Variants in DYNC2I1 observed in about 807,000 individuals in gnomAD.
The protein encoded by DYNC2I1 is cytoplasmic dynein 2 intermediate chain 1.
Under a neutral mutation model 133.4 loss-of-function variants are expected in DYNC2I1, and 89 were observed. The observed-to-expected ratio is 0.67, with a 90% CI of 0.56 to 0.80. DYNC2I1 has a LOEUF of 0.80. Ranked by LOEUF, DYNC2I1 falls within the 30% of genes least tolerant of loss-of-function variation. The probability of loss-of-function intolerance (pLI) is 0.00; values close to 1 mark genes in which losing one functional copy is unlikely to be tolerated. For missense variants in DYNC2I1, 1,291 were observed against 1,314.5 expected (o/e 0.98, Z 0.28); for synonymous variants, 504 against 484.3 (o/e 1.04, Z -0.54).
chr7:158,933,790 A>G (rs768514913), intron 21 of DYNC2I1, among the ~76,000 whole-genome samples: 9 of 152,210 alleles, frequency 5.9e-5, no homozygotes, highest in Non-Finnish European at 1.3e-4. Context: ...TTGGTGCAAA[A>G]AGTAGGAGTC....
intron 23 of DYNC2I1, among the ~76,000 whole-genome samples, chr7:158,935,981 T>C (rs1255445941): frequency 6.6e-6 from 1 of 152,034 alleles, no homozygotes; most frequent in Non-Finnish European, 1.5e-5. Context: ...TCACCTGAGG[T>C]AGGGGTTCAA....
chr7:158,910,281 A>G (rs1331885205), intron 11 of DYNC2I1, among the ~76,000 whole-genome samples: 1 of 152,134 alleles, frequency 6.6e-6, no homozygotes, highest in Non-Finnish European at 1.5e-5. Context: ...GCAGAGGGCC[A>G]TCGGCCGTGT....
At chr7:158,867,477 C>T (rs1459110057) in intron 1 of DYNC2I1, among the ~76,000 whole-genome samples, 2 of 152,188 alleles carry the variant, frequency 1.3e-5, no homozygotes, top group Non-Finnish European at 2.9e-5. Context: ...GGGAGACCAG[C>T]GCGGATCTTG....
At chr7:158,925,904 T>C (rs1029444721) in intron 17 of DYNC2I1, among the ~76,000 whole-genome samples, 1 of 152,198 alleles carries the variant, frequency 6.6e-6, no homozygotes, top group Non-Finnish European at 1.5e-5. Flanking sequence ...CTGTGTGGCA[T>C]GCTCTGTTTG....
Position 158,879,983 on chromosome 7 carries a change from ATCC to A in DYNC2I1, c.874_876del (p.Ser292del). 1 of 1,593,128 alleles carries A rather than the reference ATCC, an allele frequency of 6.3e-7. No homozygotes were observed. Among genetic ancestry groups the A allele is most frequent in the South Asian group, 1.1e-5 (1 of 87,830 alleles). ...CAAAAGATGAGCCCAGGAAAAGGGA[ATCC>A]CAGGTACCCCTTCTGATGCTTCGTT... is the stretch of plus-strand genomic sequence containing the variant. On this transcript the variant is annotated inframe_deletion, in exon 5 of 25. Transcript: ENST00000407559.
intron 3 of DYNC2I1, among the ~76,000 whole-genome samples, chr7:158,873,861 A>G (rs538542685): frequency 1.1e-3 from 171 of 151,726 alleles, no homozygotes; most frequent in African/African-American, 3.7e-3. Flanking sequence ...GGTTCAAGTG[A>G]TTCCCGTGCC....
intron 10 of DYNC2I1, chr7:158,905,142 T>TTTTTTTTTTC (rs1846649514): frequency 8.8e-6 from 2 of 226,488 alleles, no homozygotes; most frequent in African/African-American, 2.7e-5. Flanking sequence ...TTCTTTTTCT[T>TTTTTTTTTTC]TTTTTTTTTT....
In DYNC2I1 at chr7:158,934,405, T is replaced by G; in HGVS notation, c.2647-13T>G. ...TGCACTCGTTCAGTCACTCTTGGGC[T>G]TCTTCTTCACAGGGTCTCATAAGCC... On this transcript the variant is annotated splice_polypyrimidine_tract_variant and intron_variant, in intron 22 of 24. Coordinates refer to ENST00000407559, the MANE Select transcript of DYNC2I1 (RefSeq NM_018051.5). 1.9e-6 allele frequency: 3 copies of G among 1,605,000 alleles called. No individual in the cohort carries two copies. Among genetic ancestry groups the G allele is most frequent in the South Asian group, 1.1e-5 (1 of 88,624 alleles).
intron 14 of DYNC2I1, among the ~76,000 whole-genome samples, chr7:158,915,324 C>G (rs372161197): frequency 2.5e-3 from 140 of 56,602 alleles, no homozygotes; most frequent in East Asian, 0.02. Context: ...CGCTGGTTGA[C>G]ATTAAGGATG....
chr7:158,861,067 G>A (rs1392235399), intron 1 of DYNC2I1, among the ~76,000 whole-genome samples: 1 of 152,248 alleles, frequency 6.6e-6, no homozygotes, highest in Non-Finnish European at 1.5e-5. Context: ...ACCCAGCTCA[G>A]TGTTGTCTGA....
chr7:158,917,261 G>C (rs997075507), intron 14 of DYNC2I1, among the ~76,000 whole-genome samples: 3 of 120,688 alleles, frequency 2.5e-5, no homozygotes. Flanking sequence ...TGACATTAAG[G>C]ATGATTGTGA....
chr7:158,891,169 C>CGG (rs1845177815), intron 7 of DYNC2I1, 96 bp from the exon 8 acceptor site: 1 of 1,351,402 alleles, frequency 7.4e-7, no homozygotes, highest in Admixed American at 1.7e-5. Context: ...TGAGGGCTGG[C>CGG]GGGCTCCGCA....
intron 1 of DYNC2I1, among the ~76,000 whole-genome samples, chr7:158,866,878 C>T (rs1031959865): frequency 6.7e-6 from 1 of 149,636 alleles, no homozygotes; most frequent in African/African-American, 2.5e-5. Context: ...GAGCAAGGCT[C>T]CGTCTCAAAA....
At chr7:158,911,507 T>G in intron 11 of DYNC2I1, 43 bp from the exon 12 acceptor site, 1 of 1,601,414 alleles carries the variant, frequency 6.2e-7, no homozygotes, top group Non-Finnish European at 8.5e-7. Flanking sequence ...CCCACGTATA[T>G]TATTCGAGTT....
At position 158,876,604 on chromosome 7, in the gene DYNC2I1, TGTA is replaced by T. The variant is rs775937823; in HGVS notation, c.491-1_492del. ...AGTATTAAAAATATGTTTTACTTCTTGTAGTAAGTAAAGTAAGAAGTGAAGAGA... is the reference window on the plus strand; with the variant it reads ...AGTATTAAAAATATGTTTTACTTCTTGTAAGTAAAGTAAGAAGTGAAGAGA... On this transcript the variant is annotated splice_acceptor_variant and splice_polypyrimidine_tract_variant and intron_variant, in intron 3 of 24. Transcript: ENST00000407559. LOFTEE classifies it high-confidence loss of function. 2.6e-6 allele frequency: 4 copies of T among 1,562,632 alleles called. No homozygotes were observed. Among genetic ancestry groups the T allele is most frequent in the Non-Finnish European group, 3.4e-6 (4 of 1,162,290 alleles).
intron 23 of DYNC2I1, among the ~76,000 whole-genome samples, chr7:158,935,815 C>G (rs1850698860): frequency 6.6e-6 from 1 of 152,200 alleles, no homozygotes; most frequent in Non-Finnish European, 1.5e-5. Context: ...CCTGTAATCC[C>G]AGCACTTTGG....
At chr7:158,937,495 G>A (rs1053243566) in intron 23 of DYNC2I1, among the ~76,000 whole-genome samples, 5 of 152,070 alleles carry the variant, frequency 3.3e-5, no homozygotes, top group African/African-American at 9.7e-5. Flanking sequence ...GCGTGGTGGC[G>A]GGCGCCTGTA....
intron 8 of DYNC2I1, among the ~76,000 whole-genome samples, chr7:158,898,211 T>C (rs957314415): frequency 6.6e-6 from 1 of 152,212 alleles, no homozygotes; most frequent in African/African-American, 2.4e-5. Flanking sequence ...TGTATTCTGC[T>C]GTTGTTGGGT....
At chr7:158,862,720 C>T (rs2129476116) in intron 1 of DYNC2I1, among the ~76,000 whole-genome samples, 1 of 152,192 alleles carries the variant, frequency 6.6e-6, no homozygotes, top group Admixed American at 6.5e-5. Flanking sequence ...CTTGGTCTCG[C>T]TGACTTCAAG....
Sources: allele counts gnomAD v4.1 joint callset (sites outside exome capture counted in the v4.1 genomes callset), GRCh38; gene constraint gnomAD v4.1.1; transcripts MANE v1.5; gene names NCBI Gene and HGNC (gene_info 2026-07-23, HGNC 2026-07-21).